The following C16orf89 variants were observed in gnomAD, a reference collection of about 807,000 sequenced individuals.
C16orf89 encodes chromosome 16 open reading frame 89.
In C16orf89, 57 loss-of-function variants were observed where a neutral mutation model predicts 41.5. The ratio of observed to expected loss-of-function variants is 1.38; its 90% CI spans 1.11 to 1.71. The LOEUF is 1.71. C16orf89 is among the 40% of genes most tolerant of loss of function. The probability of loss-of-function intolerance (pLI) is 0.00; values close to 1 mark genes in which losing one functional copy is unlikely to be tolerated. For missense variants in C16orf89, 575 were observed against 445.9 expected, an observed-to-expected ratio of 1.29 and a Z score of -2.61; for synonymous variants, 223 against 190.6, an observed-to-expected ratio of 1.17 and a Z score of -1.40.
chr16:5,056,574 G>A (rs975202316), intron 4 of C16orf89, among the ~76,000 whole-genome samples: 1 of 152,072 alleles, frequency 6.6e-6, no homozygotes, highest in Non-Finnish European at 1.5e-5. Flanking sequence ...ACCGATCGCG[G>A]GGGCAATGCA....
At chr16:5,063,209 G>A (rs1956664456) in intron 1 of C16orf89, among the ~76,000 whole-genome samples, 1 of 152,162 alleles carries the variant, frequency 6.6e-6, no homozygotes, top group Non-Finnish European at 1.5e-5. Context: ...GGGATGAAGT[G>A]GGGCAGCTGC....
intron 1 of C16orf89, among the ~76,000 whole-genome samples, chr16:5,065,402 G>C (rs1254818901): frequency 1.3e-5 from 2 of 152,218 alleles, no homozygotes; most frequent in Non-Finnish European, 2.9e-5. Context: ...TGCTCCCCTT[G>C]TTCGTGGCGT....
In C16orf89 at chr16:5,044,381, G is replaced by A; in HGVS notation, c.1053C>T (p.His351=). The part of the protein sequence containing the change: ...AEYPPANREP[H]PSTPPPPSSR ...TGCTTGGTGGTGGCGGTGTGGATGG[G>A]TGTGGCTCTCTGTTTGCTGGGGGGT... Residue 351 remains histidine, a synonymous_variant, in exon 8 of 8, where the codon CAC becomes CAT. Transcript: ENST00000472572. The A allele has an allele frequency of 6.2e-7, 1 of 1,611,814 alleles. No homozygotes were observed. The highest frequency in any genetic ancestry group is 8.5e-7 in the Non-Finnish European group (1 of 1,179,404).
intron 2 of C16orf89, among the ~76,000 whole-genome samples, chr16:5,061,264 G>C (rs1417753537): frequency 3.5e-5 from 2 of 57,816 alleles, no homozygotes; most frequent in Non-Finnish European, 5.9e-5. Context: ...TCCATCTCAA[G>C]AAAAAAAAAA....
chr16:5,058,252 C>T (rs960876050), intron 4 of C16orf89, among the ~76,000 whole-genome samples: 1 of 151,900 alleles, frequency 6.6e-6, no homozygotes, highest in African/African-American at 2.4e-5. Context: ...TCAGCCTCCT[C>T]TTGTAGCTGG....
intron 6 of C16orf89, 128 bp from the exon 7 acceptor site, chr16:5,048,092 A>C: frequency 3.3e-6 from 2 of 614,766 alleles, no homozygotes; most frequent in Non-Finnish European, 5.7e-6. Context: ...CAGTAACGCA[A>C]TCATAGCTCA....
chr16:5,059,377 A>T (rs2142657789), intron 3 of C16orf89, among the ~76,000 whole-genome samples: 1 of 152,116 alleles, frequency 6.6e-6, no homozygotes, highest in East Asian at 2.0e-4. Flanking sequence ...GAGGCATGAG[A>T]ATCACTTGAA....
At chr16:5,058,437 C>T (rs1596699503) in intron 4 of C16orf89, 56 bp downstream of exon 4, 1 of 1,482,538 alleles carries the variant, frequency 6.7e-7, no homozygotes. Context: ...CCGGCTGCCC[C>T]TTTTCCTTTT....
intron 4 of C16orf89, among the ~76,000 whole-genome samples, chr16:5,057,822 C>T (rs554069474): frequency 5.4e-4 from 82 of 152,058 alleles, no homozygotes; most frequent in African/African-American, 1.8e-3. Context: ...AGCCACCGTG[C>T]CCGGCCTCAT....
intron 6 of C16orf89, among the ~76,000 whole-genome samples, chr16:5,053,331 C>G (rs1204730814): frequency 6.6e-6 from 1 of 151,858 alleles, no homozygotes; most frequent in Non-Finnish European, 1.5e-5. Context: ...GATAGTGCCA[C>G]TGCACTCCTG....
intron 2 of C16orf89, among the ~76,000 whole-genome samples, chr16:5,061,264 G>GA (rs60439270): frequency 0.44 from 25,699 of 57,898 alleles, 6,216 homozygotes; most frequent in East Asian, 0.78. Flanking sequence ...TCCATCTCAA[G>GA]AAAAAAAAAA....
intron 6 of C16orf89, among the ~76,000 whole-genome samples, chr16:5,052,683 T>C (rs1283466113): frequency 6.6e-6 from 1 of 151,874 alleles, no homozygotes; most frequent in Non-Finnish European, 1.5e-5. Flanking sequence ...TTGATGGGAA[T>C]GTAAATTAGT....
At position 5,055,319 on chromosome 16, in the gene C16orf89, G is replaced by A. The variant is rs1956473766; in HGVS notation, c.795C>T (p.Asp265=). The stretch of plus-strand genomic sequence containing the variant: ...CCTCCAGCCACCGGAGCTTGTAGAA[G>A]TCGGAGAAGCCGCCCATTCCACAGA... ...IMFCGMGGFS[D]FYKLRWLEAI... The change falls in exon 6 of 8, where the codon GAC becomes GAT. Residue 265 remains aspartate, a synonymous_variant. Coordinates refer to ENST00000472572, the MANE Select transcript of C16orf89 (RefSeq NM_001098514.3). The A allele has an allele frequency of 1.9e-6, 3 of 1,613,252 alleles. No homozygotes were observed. The highest frequency in any genetic ancestry group is 1.7e-6 in the Non-Finnish European group (2 of 1,179,588).
intron 7 of C16orf89, chr16:5,044,842 T>C: frequency 8.3e-7 from 1 of 1,203,230 alleles, no homozygotes; most frequent in Non-Finnish European, 1.1e-6. Context: ...AGAATCTGTC[T>C]CAAAAAAAAA....
rs2142674474 is a variant in C16orf89, at chr16:5,062,440, G to T, written c.343C>A (p.Pro115Thr). 6.2e-7 allele frequency: 1 copy of T among 1,613,300 alleles called. No homozygotes were observed. Among genetic ancestry groups the T allele is most frequent in the East Asian group, 2.2e-5 (1 of 44,860 alleles). Residue 115 changes from proline (P) to threonine (T), a missense_variant, in exon 2 of 8, where the codon CCC (proline) becomes ACC (threonine). Pro to Thr is a conservative substitution (Grantham distance 38, BLOSUM62 -1). Coordinates refer to ENST00000472572, the MANE Select transcript of C16orf89 (RefSeq NM_001098514.3). Reference sequence around the variant, plus strand: ...GTGTGCTCACCTCTTAGGTACTTGGGATCACTCAGCTTGAGGTAGTGGAGG... The same window carrying T: ...GTGTGCTCACCTCTTAGGTACTTGGTATCACTCAGCTTGAGGTAGTGGAGG... ...RSLHYLKLSD[P>T]KYLREFQLTL...
At chr16:5,054,493 T>C (rs1956453374) in intron 6 of C16orf89, among the ~76,000 whole-genome samples, 1 of 152,236 alleles carries the variant, frequency 6.6e-6, no homozygotes, top group Admixed American at 6.5e-5. Context: ...ATAGCTCTTA[T>C]CAGAATGTGC....
intron 6 of C16orf89, 64 bp from the exon 7 acceptor site, chr16:5,048,028 T>G (rs938889436): frequency 1.1e-6 from 1 of 876,452 alleles, no homozygotes; most frequent in African/African-American, 1.7e-5. Flanking sequence ...TTTTATTTCT[T>G]TTTACTGCTT....
At chr16:5,056,244 C>G in intron 4 of C16orf89, 56 bp from the exon 5 acceptor site, 1 of 1,502,350 alleles carries the variant, frequency 6.7e-7, no homozygotes, top group East Asian at 2.3e-5. Flanking sequence ...GACAGACACA[C>G]GCCCTGCTAT....
In C16orf89 at chr16:5,065,710, C is replaced by G; in HGVS notation, c.199G>C (p.Val67Leu). Residue 67 changes from valine (V) to leucine (L), a missense_variant, in exon 1 of 8, where the codon GTG becomes CTG. By Grantham distance (32) the Val-to-Leu change is conservative. Transcript: ENST00000472572. ...INLDGMVGVR[V>L]LEEQLKSVRE... The stretch of plus-strand genomic sequence containing the variant: ...ATTGGGGCTCACTCACCTTCCAGCA[C>G]TCGGACCCCCACCATGCCATCCAGG... The G allele has an allele frequency of 1.9e-6, 3 of 1,613,226 alleles. No homozygotes were observed. Among genetic ancestry groups the G allele is most frequent in the Non-Finnish European group, 2.5e-6 (3 of 1,179,190 alleles).
Sources: allele counts gnomAD v4.1 joint callset (sites outside exome capture counted in the v4.1 genomes callset), GRCh38; gene constraint gnomAD v4.1.1; transcripts MANE v1.5; gene names NCBI Gene and HGNC (gene_info 2026-07-23, HGNC 2026-07-21).